The following USP34 variants were observed in gnomAD, a reference collection of about 807,000 sequenced individuals.
USP34 encodes ubiquitin specific peptidase 34.
A neutral mutation model predicts 460.3 loss-of-function variants in USP34; 70 were observed. The ratio of observed to expected loss-of-function variants is 0.15; its 90% CI spans 0.13 to 0.19. The LOEUF (loss-of-function observed/expected upper bound fraction) is 0.19, where lower values mean the gene tolerates loss of function less well. USP34 is among the 10% of genes least tolerant of loss of function. The pLI is 1.00. For missense variants in USP34, 3,985 were observed against 4,236.2 expected (o/e 0.94, Z 1.65); for synonymous variants, 1,647 against 1,405.3 (o/e 1.17, Z -3.85).
intron 2 of USP34, among the ~76,000 whole-genome samples, chr2:61,408,377 T>G (rs1215488210): frequency 1.3e-5 from 2 of 152,136 alleles, no homozygotes; most frequent in South Asian, 2.1e-4. Context: ...TTGGAGTATT[T>G]TTGTCACACA....
At chr2:61,279,276 A>G (rs1307232587) in intron 39 of USP34, among the ~76,000 whole-genome samples, 1 of 152,144 alleles carries the variant, frequency 6.6e-6, no homozygotes, top group African/African-American at 2.4e-5. Flanking sequence ...TTTTAAATGT[A>G]AAGTGAACAT....
At chr2:61,378,912 C>CAAAAAA (rs1491197501) in intron 7 of USP34, among the ~76,000 whole-genome samples, 21 of 8,626 alleles carry the variant, frequency 2.4e-3, no homozygotes, top group Non-Finnish European at 4.2e-3. Context: ...CTCAAAAAAA[C>CAAAAAA]GAAAAAAAAA....
intron 74 of USP34, among the ~76,000 whole-genome samples, chr2:61,203,873 A>G (rs907384679): frequency 1.3e-5 from 2 of 152,018 alleles, no homozygotes; most frequent in East Asian, 1.9e-4. Context: ...TATTATGCTT[A>G]GGTCAAAGGA....
intron 51 of USP34, among the ~76,000 whole-genome samples, chr2:61,244,514 C>T (rs1402601687): frequency 6.6e-6 from 1 of 151,586 alleles, no homozygotes; most frequent in East Asian, 1.9e-4. Flanking sequence ...ACTCCCGAGG[C>T]TGAGACTCGA....
chr2:61,259,797 C>T (rs1688823080), intron 43 of USP34, 21 bp from the exon 44 acceptor site: 7 of 1,608,624 alleles, frequency 4.4e-6, no homozygotes, highest in African/African-American at 1.3e-5. Flanking sequence ...AGAGAAAACA[C>T]CATTAAAAAC....
At chr2:61,411,246 G>A (rs1380617199) in intron 2 of USP34, among the ~76,000 whole-genome samples, 1 of 151,902 alleles carries the variant, frequency 6.6e-6, no homozygotes, top group Non-Finnish European at 1.5e-5. Flanking sequence ...GGCAGGCAAG[G>A]TGCCATACGC....
At chr2:61,204,137 ATCTTCT>A (rs1687050041) in intron 74 of USP34, 113 bp downstream of exon 74, 29 of 1,338,836 alleles carry the variant, frequency 2.2e-5, no homozygotes, top group Non-Finnish European at 3.0e-5. Context: ...AATGAATCTA[ATCTTCT>A]TAGGATCCAC....
chr2:61,288,248 C>T lies in USP34; in HGVS notation c.4749+429G>A, dbSNP rs947788723. On this transcript the variant is annotated intron_variant, in intron 34 of 79. Coordinates refer to ENST00000398571, the MANE Select transcript of USP34 (RefSeq NM_014709.4). ...AGTTCCTGATAACCCAACCACTTCCCTAATGTTCCACAAGATCTAGGGGTG... is the reference window on the plus strand; with the variant it reads ...AGTTCCTGATAACCCAACCACTTCCTTAATGTTCCACAAGATCTAGGGGTG... 2.6e-5 allele frequency among the ~76,000 whole-genome samples: 4 copies of T among 152,208 alleles called. No individual in the cohort carries two copies. In the East Asian group the frequency reaches 5.8e-4, roughly 22 times the overall value.
chr2:61,218,240 C>T (rs1348753765), intron 67 of USP34, among the ~76,000 whole-genome samples: 3 of 147,938 alleles, frequency 2.0e-5, no homozygotes, highest in African/African-American at 5.0e-5. Context: ...TTGTTAAGAG[C>T]GCACAGCTCT....
intron 6 of USP34, among the ~76,000 whole-genome samples, chr2:61,380,834 A>T (rs1293517950): frequency 6.6e-6 from 1 of 152,190 alleles, no homozygotes; most frequent in Non-Finnish European, 1.5e-5. Flanking sequence ...CTGCTGGATG[A>T]AAGAGAAGTG....
chr2:61,331,434 A>AT (rs1691258019), intron 19 of USP34, 63 bp from the exon 20 acceptor site: 1 of 1,305,506 alleles, frequency 7.7e-7, no homozygotes, highest in Non-Finnish European at 1.0e-6. Context: ...AATCTATGCT[A>AT]TGACAGTAAA....
intron 20 of USP34, among the ~76,000 whole-genome samples, chr2:61,327,856 C>T (rs994938964): frequency 6.6e-6 from 1 of 152,086 alleles, no homozygotes; most frequent in Non-Finnish European, 1.5e-5. Flanking sequence ...CTTCTGACAT[C>T]ACAGGAAATA....
In USP34 at chr2:61,257,210, G is replaced by A. The variant is rs192371289; in HGVS notation, c.5985C>T (p.Pro1995=). 1.3e-5 allele frequency: 21 copies of A among 1,607,338 alleles called. No individual in the cohort carries two copies. The East Asian group carries it at 1.8e-4, about 14-fold the overall frequency. ...DLITKIEEMS[P]ELKNTVKSLF... is the part of the protein sequence containing the mutation. Reference sequence around the variant, plus strand: ...TCAGTATTCTGATACTAACCAGTTCGGGAGACATTTCTTCGATTTTGGTAA... The same window carrying A: ...TCAGTATTCTGATACTAACCAGTTCAGGAGACATTTCTTCGATTTTGGTAA... Residue 1995 remains proline (P), a synonymous_variant, in exon 45 of 80, where the codon CCC becomes CCT. Transcript: ENST00000398571.
chr2:61,250,324 T>A, intron 48 of USP34: 1 of 179,964 alleles, frequency 5.6e-6, no homozygotes. Context: ...ATTGGTTGAG[T>A]TAACCAGAAA....
At chr2:61,383,395 C>T in intron 5 of USP34, 59 bp from the exon 6 acceptor site, 1 of 1,296,348 alleles carries the variant, frequency 7.7e-7, no homozygotes, top group Non-Finnish European at 1.1e-6. Flanking sequence ...ATATATCTTT[C>T]ACTAAACTAA....
intron 1 of USP34, among the ~76,000 whole-genome samples, chr2:61,450,369 T>C (rs1043135097): frequency 1.3e-5 from 2 of 152,302 alleles, no homozygotes; most frequent in East Asian, 1.9e-4. Context: ...GTGGTGATGG[T>C]TGCACAACTC....
At chr2:61,231,502 C>T (rs1008951189) in intron 58 of USP34, among the ~76,000 whole-genome samples, 3 of 152,174 alleles carry the variant, frequency 2.0e-5, no homozygotes, top group South Asian at 2.1e-4. Flanking sequence ...TGCCTGATCC[C>T]AGGAATTTGA....
In USP34 at chr2:61,286,579, C is replaced by T. The variant is rs144023068; in HGVS notation, c.4750-1622G>A. Among the ~76,000 whole-genome samples, 539 of 152,128 alleles carry T rather than the reference C, an allele frequency of 3.5e-3. 2 individuals carry two copies. Among genetic ancestry groups the T allele is most frequent in the African/African-American group, 0.011 (442 of 41,474 alleles). On this transcript the variant is annotated intron_variant, in intron 34 of 79. Coordinates refer to ENST00000398571, the MANE Select transcript of USP34 (RefSeq NM_014709.4). ...CTGAGGTAGTAAAACCGCTTGAACA[C>T]GGGAGGCAGAGGTTGCAGTGAGCCG... is the stretch of plus-strand genomic sequence containing the variant.
At chr2:61,425,456 A>G (rs1184597511) in intron 1 of USP34, among the ~76,000 whole-genome samples, 1 of 152,100 alleles carries the variant, frequency 6.6e-6, no homozygotes, top group Non-Finnish European at 1.5e-5. Context: ...AGGGAGGGAC[A>G]ACACAGCAAC....
Sources: gnomAD v4.1 joint callset for allele counts (sites outside exome capture counted in the v4.1 genomes callset) on GRCh38, gnomAD v4.1.1 for gene constraint, MANE v1.5 for transcripts, NCBI Gene and HGNC (gene_info 2026-07-23, HGNC 2026-07-21) for gene names.